SGK3: variants seen among roughly 807,000 people sequenced by gnomAD.
SGK3 encodes the protein serum/glucocorticoid regulated kinase family member 3, also known as serine/threonine-protein kinase Sgk3.
Under a neutral mutation model 68.5 loss-of-function variants are expected in SGK3, and 47 were observed. The observed-to-expected ratio is 0.69, with a 90% CI of 0.54 to 0.87. The LOEUF (loss-of-function observed/expected upper bound fraction) is 0.87, where lower values mean the gene tolerates loss of function less well. SGK3 is among the 40% of genes least tolerant of loss of function. SGK3 has a pLI of 0.00. For synonymous variants in SGK3, 181 were observed against 189.1 expected (o/e 0.96, Z 0.35); for missense variants, 479 against 575.5 (o/e 0.83, Z 1.72).
At chr8:66,850,954 C>T (rs200298418) in intron 16 of SGK3, 34 bp downstream of exon 16, 10 of 1,563,784 alleles carry the variant, frequency 6.4e-6, no homozygotes, top group Middle Eastern at 1.8e-4. Context: ...TTTCTAGAAT[C>T]GTGAAACTTA....
intron 1 of SGK3, among the ~76,000 whole-genome samples, chr8:66,713,248 C>A (rs1456053895): frequency 6.6e-6 from 1 of 152,178 alleles, no homozygotes; most frequent in African/African-American, 2.4e-5. Flanking sequence ...AGTAAAAGAC[C>A]TTAATACGTT....
intron 1 of SGK3, chr8:66,775,527 A>G (rs865799489): frequency 6.6e-6 from 1 of 152,218 alleles, no homozygotes. Flanking sequence ...GGCGGGCTCC[A>G]CACCCGGGCG....
At position 66,770,795 on chromosome 8, in the gene SGK3, A is replaced by G. The variant is rs1272830461; in HGVS notation, c.-121-22821A>G. Among the ~76,000 whole-genome samples the G allele has an allele frequency of 5.9e-5, 9 of 152,116 alleles. No individual in the cohort carries two copies. The East Asian group carries it at 1.7e-3, about 29-fold the overall frequency. ...TGCAGGTCTCTAGGGTTCTCTGTGC[A>G]CTTAACTTCCTCTTGTATACTGTCT... On this transcript the variant is annotated intron_variant, in intron 1 of 16. Transcript: ENST00000521198.
At chr8:66,716,915 GCC>G (rs1804649320) in intron 1 of SGK3, among the ~76,000 whole-genome samples, 1 of 152,092 alleles carries the variant, frequency 6.6e-6, no homozygotes, top group Non-Finnish European at 1.5e-5. Context: ...AAATGTAGAG[GCC>G]AGGCACGGTG....
intron 1 of SGK3, among the ~76,000 whole-genome samples, chr8:66,730,369 T>C (rs1485726201): frequency 6.6e-6 from 1 of 152,178 alleles, no homozygotes; most frequent in Non-Finnish European, 1.5e-5. Flanking sequence ...ATGAGAGATA[T>C]AATTTACAAA....
intron 1 of SGK3, among the ~76,000 whole-genome samples, chr8:66,785,763 T>A (rs1807173663): frequency 6.6e-6 from 1 of 152,236 alleles, no homozygotes; most frequent in Non-Finnish European, 1.5e-5. Flanking sequence ...TTCTGTCTTG[T>A]TGGACTTGTC....
At chr8:66,778,358 G>T (rs1246754834) in intron 1 of SGK3, among the ~76,000 whole-genome samples, 1 of 152,094 alleles carries the variant, frequency 6.6e-6, no homozygotes, top group African/African-American at 2.4e-5. Context: ...AAGTGGTGGC[G>T]CGATCTCGGC....
intron 1 of SGK3, among the ~76,000 whole-genome samples, chr8:66,758,777 A>G (rs1239083467): frequency 6.6e-6 from 1 of 152,182 alleles, no homozygotes; most frequent in Non-Finnish European, 1.5e-5. Flanking sequence ...CAGCCTCCCA[A>G]GTAGCTGGAA....
At chr8:66,761,799 GA>G (rs1057378515) in intron 1 of SGK3, among the ~76,000 whole-genome samples, 2 of 151,684 alleles carry the variant, frequency 1.3e-5, no homozygotes, top group Non-Finnish European at 2.9e-5. Context: ...TGTTTTAAAA[GA>G]AAAAAACCCA....
chr8:66,750,800 T>C (rs1164925404), intron 1 of SGK3, among the ~76,000 whole-genome samples: 1 of 140,608 alleles, frequency 7.1e-6, no homozygotes, highest in African/African-American at 2.7e-5. Flanking sequence ...AGCCCAGGAG[T>C]TTGAGACCAA....
chr8:66,831,310 A>G lies in SGK3; in HGVS notation c.524A>G (p.Lys175Arg), dbSNP rs776400322. Residue 175 changes from lysine to arginine, a missense_variant and splice_region_variant, in exon 8 of 17, where the codon AAG becomes AGG. Transcript: ENST00000521198. ...LKVIGKGSFGKVLLAKRKLDG... is the reference protein window; with the variant it reads ...LKVIGKGSFGRVLLAKRKLDG... ...GTTATTGGAAAAGGCAGCTTTGGCA[A>G]GGTAAGAGTGTTTTGTGAGGTTTTT... The G allele has an allele frequency of 6.2e-7, 1 of 1,613,862 alleles. No individual in the cohort carries two copies. The highest frequency in any genetic ancestry group is 1.3e-5 in the African/African-American group (1 of 74,904).
At chr8:66,735,487 G>A (rs1805293180) in intron 1 of SGK3, among the ~76,000 whole-genome samples, 1 of 152,188 alleles carries the variant, frequency 6.6e-6, no homozygotes. Flanking sequence ...TGGGTCCCCT[G>A]GAGAAGGTTT....
intron 16 of SGK3, among the ~76,000 whole-genome samples, chr8:66,858,012 G>A (rs1810594002): frequency 6.6e-6 from 1 of 152,030 alleles, no homozygotes; most frequent in Non-Finnish European, 1.5e-5. Context: ...AGCACAGTAA[G>A]AGTCATCTTT....
intron 1 of SGK3, chr8:66,737,617 CTTT>C (rs552425622): frequency 1.3e-4 from 18 of 135,854 alleles, no homozygotes; most frequent in Non-Finnish European, 2.2e-4. Context: ...ACCCCTTTAT[CTTT>C]TTTTTTTTTT....
chr8:66,840,167 C>A (rs754874507), intron 11 of SGK3, 44 bp from the exon 12 acceptor site: 1 of 1,596,852 alleles, frequency 6.3e-7, no homozygotes, highest in South Asian at 1.1e-5. Flanking sequence ...TATTTTATTT[C>A]GGTTTGTATT....
At chr8:66,816,359 T>G (rs1156380646) in intron 5 of SGK3, among the ~76,000 whole-genome samples, 16 of 138,042 alleles carry the variant, frequency 1.2e-4, no homozygotes, top group Non-Finnish European at 2.4e-4. Flanking sequence ...TTTTTTTTTG[T>G]GTGTGAGACG....
At chr8:66,808,113 A>G (rs1808237983) in intron 4 of SGK3, among the ~76,000 whole-genome samples, 1 of 152,188 alleles carries the variant, frequency 6.6e-6, no homozygotes, top group South Asian at 2.1e-4. Flanking sequence ...TTTAAGGATG[A>G]GGGAGAGATT....
rs557145041 is a variant in SGK3, at chr8:66,834,452, G to A, written c.526-1311G>A. Among the ~76,000 whole-genome samples the A allele has an allele frequency of 7.9e-5, 12 of 151,688 alleles. No homozygotes were observed. In the East Asian group the frequency reaches 2.1e-3, roughly 27 times the overall value. On this transcript the variant is annotated intron_variant, in intron 8 of 16. Transcript: ENST00000521198. Reference sequence around the variant, plus strand: ...GGGATTTAGCAAAAGAGAGGCTTTAGGCTACTGGCAGGGTTTTGTTTTGTT... The same window carrying A: ...GGGATTTAGCAAAAGAGAGGCTTTAAGCTACTGGCAGGGTTTTGTTTTGTT...
intron 1 of SGK3, among the ~76,000 whole-genome samples, chr8:66,722,693 A>G (rs1227787852): frequency 6.6e-6 from 1 of 152,210 alleles, no homozygotes; most frequent in African/African-American, 2.4e-5. Flanking sequence ...TCGTTCTTGC[A>G]TTGCTATAAA....
Sources: allele counts gnomAD v4.1 joint callset (sites outside exome capture counted in the v4.1 genomes callset), GRCh38; gene constraint gnomAD v4.1.1; transcripts MANE v1.5; gene names NCBI Gene and HGNC (gene_info 2026-07-23, HGNC 2026-07-21).